The following CAB39 variants were observed in gnomAD, a reference collection of about 807,000 sequenced individuals.
CAB39 encodes the protein calcium binding protein 39, also known as calcium-binding protein 39.
CAB39 carries 8 observed loss-of-function variants against 40.0 expected under a neutral mutation model. The observed-to-expected ratio is 0.20, with a 90% CI of 0.12 to 0.36. The LOEUF is 0.36. Ranked by LOEUF, CAB39 falls within the 10% of genes least tolerant of loss-of-function variation. The pLI is 1.00. For missense variants in CAB39, 270 were observed against 401.1 expected, an observed-to-expected ratio of 0.67 and a Z score of 2.79; for synonymous variants, 156 against 141.6, an observed-to-expected ratio of 1.10 and a Z score of -0.72.
intron 8 of CAB39, chr2:230,818,133 G>GC (rs1160392011): frequency 2.0e-6 from 1 of 489,692 alleles, no homozygotes; most frequent in Non-Finnish European, 3.6e-6. Flanking sequence ...TTTATCTTTG[G>GC]CCTAGAAGAT....
At chr2:230,814,003 T>TTTTTTTTTC (rs1696353228) in intron 6 of CAB39, 46 bp from the exon 7 acceptor site, 1 of 455,762 alleles carries the variant, frequency 2.2e-6, no homozygotes, top group African/African-American at 2.2e-5. Flanking sequence ...TTTTTTTTTT[T>TTTTTTTTTC]TTTTTTTTTG....
rs774365236 is a variant in CAB39 at position 230,818,507 on chromosome 2, T to C, written c.838-9T>C. The C allele has an allele frequency of 1.9e-6, 3 of 1,611,722 alleles. No homozygotes were observed. Among genetic ancestry groups the C allele is most frequent in the Non-Finnish European group, 2.5e-6 (3 of 1,178,596 alleles). On this transcript the variant is annotated splice_polypyrimidine_tract_variant and intron_variant, in intron 8 of 8. Coordinates refer to ENST00000258418, the MANE Select transcript of CAB39 (RefSeq NM_016289.4). ...TCTCTGTGCCTCATGTGCGTTTCTC[T>C]CCACGCAGGTGTTTGTAGCCAATCC...
chr2:230,805,682 C>T (rs1696180233), intron 5 of CAB39, among the ~76,000 whole-genome samples: 1 of 152,250 alleles, frequency 6.6e-6, no homozygotes, highest in South Asian at 2.1e-4. Flanking sequence ...ATTACTCCTT[C>T]ATCACAACAA....
At chr2:230,739,526 GCCC>G (rs1249599057) in intron 1 of CAB39, among the ~76,000 whole-genome samples, 2 of 151,972 alleles carry the variant, frequency 1.3e-5, no homozygotes, top group African/African-American at 4.8e-5. Context: ...ACAGAGTTTC[GCCC>G]TGTTGCCCAG....
At chr2:230,727,213 A>T (rs1694595497) in intron 1 of CAB39, among the ~76,000 whole-genome samples, 1 of 150,760 alleles carries the variant, frequency 6.6e-6, no homozygotes, top group African/African-American at 2.4e-5. Context: ...AACCATATTT[A>T]ATAATATATG....
rs553944077 is a variant in CAB39, at chr2:230,807,213, C to A, written c.568-3050C>A. ...TTCTATTCTGTTGGTCTACACACAC[C>A]CCCCTCCCACCCACACTCACCCCAG... On this transcript the variant is annotated intron_variant, in intron 5 of 8. Coordinates refer to ENST00000258418, the MANE Select transcript of CAB39 (RefSeq NM_016289.4). Among the ~76,000 whole-genome samples, 37 of 152,010 alleles carry A rather than the reference C, an allele frequency of 2.4e-4. No homozygotes were observed. In the South Asian group the frequency reaches 7.1e-3, roughly 29 times the overall value.
intron 2 of CAB39, among the ~76,000 whole-genome samples, chr2:230,776,759 C>T (rs779327766): frequency 2.2e-4 from 33 of 151,876 alleles, no homozygotes; most frequent in Non-Finnish European, 4.0e-4. Context: ...GGCACGATCT[C>T]GGCTCACTGC....
At chr2:230,721,496 T>C (rs2124853967) in intron 1 of CAB39, among the ~76,000 whole-genome samples, 1 of 152,350 alleles carries the variant, frequency 6.6e-6, no homozygotes. Flanking sequence ...TACAATTTTT[T>C]CTGTTTATCT....
intron 5 of CAB39, among the ~76,000 whole-genome samples, chr2:230,804,202 G>A (rs1696147761): frequency 6.6e-6 from 1 of 152,226 alleles, no homozygotes; most frequent in Non-Finnish European, 1.5e-5. Context: ...GCCATGTGTA[G>A]AAAGCTGAAA....
chr2:230,782,054 C>T (rs759046843), intron 2 of CAB39, among the ~76,000 whole-genome samples: 12 of 151,972 alleles, frequency 7.9e-5, no homozygotes, highest in South Asian at 2.1e-4. Flanking sequence ...TTAGTAGAGA[C>T]GGGGTTTCAC....
At chr2:230,793,475 C>T (rs1575951173) in intron 4 of CAB39, 144 bp downstream of exon 4, 1 of 426,302 alleles carries the variant, frequency 2.3e-6, no homozygotes, top group East Asian at 3.6e-5. Flanking sequence ...CATTTCCCTC[C>T]TTGAAATTCA....
chr2:230,761,108 C>G (rs898526493), intron 2 of CAB39, among the ~76,000 whole-genome samples: 1 of 149,940 alleles, frequency 6.7e-6, no homozygotes, highest in Non-Finnish European at 1.5e-5. Flanking sequence ...ATAATGAGAT[C>G]TTGGGGATGG....
chr2:230,782,218 C>A (rs541575059), intron 2 of CAB39, among the ~76,000 whole-genome samples: 1 of 152,304 alleles, frequency 6.6e-6, no homozygotes, highest in Non-Finnish European at 1.5e-5. Context: ...TAAATACTTG[C>A]TAAATTGCCT....
At chr2:230,737,759 A>C (rs1301253361) in intron 1 of CAB39, among the ~76,000 whole-genome samples, 2 of 152,184 alleles carry the variant, frequency 1.3e-5, no homozygotes, top group Non-Finnish European at 2.9e-5. Context: ...CTAAAACTTA[A>C]ATTTTTATGT....
At chr2:230,816,625 C>T (rs1022452061) in intron 7 of CAB39, among the ~76,000 whole-genome samples, 12 of 152,202 alleles carry the variant, frequency 7.9e-5, no homozygotes, top group Admixed American at 7.2e-4. Context: ...AAGGAAGCAA[C>T]AAAAGCAATT....
intron 2 of CAB39, among the ~76,000 whole-genome samples, chr2:230,783,137 T>G (rs566843500): frequency 3.3e-5 from 5 of 151,648 alleles, no homozygotes; most frequent in South Asian, 4.1e-4. Context: ...CAGACTGCTC[T>G]TTCTTTAGTG....
At chr2:230,770,783 T>C (rs1695468315) in intron 2 of CAB39, among the ~76,000 whole-genome samples, 1 of 152,146 alleles carries the variant, frequency 6.6e-6, no homozygotes, top group Non-Finnish European at 1.5e-5. Context: ...TATAATTCAC[T>C]ATATTGAAAA....
At chr2:230,733,024 G>T (rs956380161) in intron 1 of CAB39, among the ~76,000 whole-genome samples, 2 of 152,054 alleles carry the variant, frequency 1.3e-5, no homozygotes, top group Non-Finnish European at 2.9e-5. Context: ...TTATGTGCAG[G>T]TTACCCTGTT....
At chr2:230,743,035 C>G (rs1001180125) in intron 1 of CAB39, among the ~76,000 whole-genome samples, 1 of 152,128 alleles carries the variant, frequency 6.6e-6, no homozygotes, top group Non-Finnish European at 1.5e-5. Context: ...CGTGTGGTCT[C>G]TTTGTGGCCG....
Sources: gnomAD v4.1 joint callset for allele counts (sites outside exome capture counted in the v4.1 genomes callset) on GRCh38, gnomAD v4.1.1 for gene constraint, MANE v1.5 for transcripts, NCBI Gene and HGNC (gene_info 2026-07-23, HGNC 2026-07-21) for gene names.